The following ADARB2 variants were observed in gnomAD, a reference collection of about 807,000 sequenced individuals.
ADARB2 encodes inactive double-stranded RNA-specific editase B2.
ADARB2 carries 25 observed loss-of-function variants against 62.2 expected under a neutral mutation model. That is an observed-to-expected ratio of 0.40 (90% CI 0.29 to 0.56). ADARB2 has a LOEUF of 0.56. Among genes scored for constraint, ADARB2 ranks in the 20% least tolerant of loss-of-function variants. ADARB2 has a pLI of 0.43. For missense variants in ADARB2, 1,071 were observed against 1,077.4 expected (o/e 0.99, Z 0.08); for synonymous variants, 572 against 500.8 (o/e 1.14, Z -1.90).
intron 1 of ADARB2, among the ~76,000 whole-genome samples, chr10:1,601,675 G>A (rs561508949): frequency 9.2e-5 from 14 of 152,288 alleles, no homozygotes; most frequent in Non-Finnish European, 1.6e-4. Flanking sequence ...TCCAAGGAAC[G>A]TTGGTGGGAG....
At chr10:1,317,758 G>C (rs1831753018) in intron 3 of ADARB2, among the ~76,000 whole-genome samples, 1 of 147,908 alleles carries the variant, frequency 6.8e-6, no homozygotes. Context: ...GGCCTGGGGG[G>C]GGGTGGGTCA....
At chr10:1,485,981 A>G (rs1452457155) in intron 1 of ADARB2, among the ~76,000 whole-genome samples, 1 of 152,176 alleles carries the variant, frequency 6.6e-6, no homozygotes, top group Non-Finnish European at 1.5e-5. Flanking sequence ...AAGGCTTGGC[A>G]GGGAATTAAA....
intron 3 of ADARB2, among the ~76,000 whole-genome samples, chr10:1,302,396 G>A (rs1400448260): frequency 1.3e-5 from 2 of 152,226 alleles, no homozygotes; most frequent in Non-Finnish European, 2.9e-5. Context: ...GAGTCTCGCT[G>A]ATTGCTAGCA....
chr10:1,557,907 A>G (rs1247235701), intron 1 of ADARB2, among the ~76,000 whole-genome samples: 3 of 138,212 alleles, frequency 2.2e-5, no homozygotes, highest in Admixed American at 7.3e-5. Flanking sequence ...CAGCCTGCAC[A>G]GCAGAGGGAG....
At chr10:1,492,328 T>C (rs1831632327) in intron 1 of ADARB2, among the ~76,000 whole-genome samples, 1 of 152,142 alleles carries the variant, frequency 6.6e-6, no homozygotes, top group African/African-American at 2.4e-5. Context: ...GTTTGGATAT[T>C]GGGTCCTAGC....
chr10:1,474,511 C>G (rs1040154639), intron 1 of ADARB2, among the ~76,000 whole-genome samples: 7 of 152,206 alleles, frequency 4.6e-5, no homozygotes, highest in Non-Finnish European at 1.0e-4. Flanking sequence ...GGCACCCAAG[C>G]AGGACTGTGA....
Position 1,516,164 on chromosome 10 carries a change from C to A in ADARB2, c.101-137004G>T, listed in dbSNP as rs1031253778. ...GGGTGCTCTGACCCTCTGGCAGGCTCAAGGCCGGCCTCATTGCGGGCTGAC... is the reference window on the plus strand; with the variant it reads ...GGGTGCTCTGACCCTCTGGCAGGCTAAAGGCCGGCCTCATTGCGGGCTGAC... On this transcript the variant is annotated intron_variant, in intron 1 of 9. Coordinates refer to ENST00000381312, the MANE Select transcript of ADARB2 (RefSeq NM_018702.4). Among the ~76,000 whole-genome samples the A allele has an allele frequency of 3.3e-5, 5 of 152,306 alleles. No individual in the cohort carries two copies. In the East Asian group the frequency reaches 7.7e-4, roughly 24 times the overall value.
At chr10:1,450,393 G>A (rs1831021622) in intron 1 of ADARB2, among the ~76,000 whole-genome samples, 1 of 152,230 alleles carries the variant, frequency 6.6e-6, no homozygotes, top group South Asian at 2.1e-4. Flanking sequence ...TTTGGTTGCT[G>A]TAGGAGGCAT....
intron 1 of ADARB2, among the ~76,000 whole-genome samples, chr10:1,530,780 T>C (rs1163571622): frequency 6.6e-6 from 1 of 152,232 alleles, no homozygotes. Context: ...TTCGCATGTA[T>C]GCCTTTGCCT....
intron 8 of ADARB2, among the ~76,000 whole-genome samples, chr10:1,191,820 A>T (rs764292696): frequency 3.3e-5 from 5 of 152,160 alleles, no homozygotes; most frequent in Non-Finnish European, 7.3e-5. Context: ...TTTGCTAAAC[A>T]CACACAATCG....
intron 3 of ADARB2, among the ~76,000 whole-genome samples, chr10:1,285,393 G>T (rs1169578066): frequency 6.6e-6 from 1 of 152,208 alleles, no homozygotes; most frequent in Non-Finnish European, 1.5e-5. Flanking sequence ...AGAATCCTTG[G>T]TGATGCCCTG....
intron 1 of ADARB2, among the ~76,000 whole-genome samples, chr10:1,696,921 C>T (rs769861662): frequency 6.6e-6 from 1 of 152,146 alleles, no homozygotes; most frequent in Non-Finnish European, 1.5e-5. Flanking sequence ...GCTTTGAATG[C>T]CCAACACAAA....
intron 3 of ADARB2, among the ~76,000 whole-genome samples, chr10:1,271,531 ACTT>A (rs1202513380): frequency 2.6e-5 from 4 of 152,100 alleles, no homozygotes; most frequent in Admixed American, 6.5e-5. Flanking sequence ...TCTCTCCACA[ACTT>A]CTTCTCACCT....
At chr10:1,368,353 A>T (rs1458853783) in intron 2 of ADARB2, among the ~76,000 whole-genome samples, 6 of 152,136 alleles carry the variant, frequency 3.9e-5, no homozygotes. Context: ...CATTTTGAAA[A>T]CACAGCAGGG....
intron 1 of ADARB2, among the ~76,000 whole-genome samples, chr10:1,736,727 T>C (rs1345641864): frequency 6.6e-6 from 1 of 152,184 alleles, no homozygotes; most frequent in Non-Finnish European, 1.5e-5. Context: ...TGGAAGGCAG[T>C]GCCAGCCCGG....
At position 1,662,020 on chromosome 10, in the gene ADARB2, G is replaced by A. The variant is rs565872425; in HGVS notation, c.100+75031C>T. Among the ~76,000 whole-genome samples the A allele has an allele frequency of 3.9e-5, 6 of 152,284 alleles. 1 individual carries two copies. The South Asian group carries it at 1.2e-3, about 32-fold the overall frequency. ...TGCAGCTGCTCCTCTCAGGGCATGTGCATTGAGCCCAGGAGTCCCCAGGGA... is the reference window on the plus strand; with the variant it reads ...TGCAGCTGCTCCTCTCAGGGCATGTACATTGAGCCCAGGAGTCCCCAGGGA... On this transcript the variant is annotated intron_variant, in intron 1 of 9. Transcript: ENST00000381312.
chr10:1,396,533 C>T (rs1185729038), intron 1 of ADARB2, among the ~76,000 whole-genome samples: 1 of 152,196 alleles, frequency 6.6e-6, no homozygotes, highest in Non-Finnish European at 1.5e-5. Flanking sequence ...CCCTGCCATC[C>T]CCGCCTGCAG....
At position 1,312,247 on chromosome 10, in the gene ADARB2, G is replaced by A. The variant is rs77931063; in HGVS notation, c.1078-41178C>T. 2.7e-4 allele frequency among the ~76,000 whole-genome samples: 41 copies of A among 152,184 alleles called. No homozygotes were observed. In the East Asian group the frequency reaches 7.0e-3, roughly 26 times the overall value. ...CTGGCCTGCACCAGAGATGCAGTGG[G>A]GGATGCAGCTTCCACCAGGGTGTGG... is the stretch of plus-strand genomic sequence containing the variant. On this transcript the variant is annotated intron_variant, in intron 3 of 9. Transcript: ENST00000381312.
At chr10:1,274,331 C>T (rs1378364393) in intron 3 of ADARB2, among the ~76,000 whole-genome samples, 3 of 152,252 alleles carry the variant, frequency 2.0e-5, no homozygotes, top group Non-Finnish European at 4.4e-5. Context: ...CTGGGTGATT[C>T]ATGGGTGTTA....
Sources: allele counts gnomAD v4.1 joint callset (sites outside exome capture counted in the v4.1 genomes callset), GRCh38; gene constraint gnomAD v4.1.1; transcripts MANE v1.5; gene names NCBI Gene and HGNC (gene_info 2026-07-23, HGNC 2026-07-21).